Variants in PTPRN2 observed in about 807,000 individuals in gnomAD.
PTPRN2 encodes protein tyrosine phosphatase receptor type N2.
PTPRN2 carries 74 observed loss-of-function variants against 118.8 expected under a neutral mutation model. The observed-to-expected ratio is 0.62, with a 90% CI of 0.52 to 0.76. The LOEUF (loss-of-function observed/expected upper bound fraction) is 0.76. Among genes scored for constraint, PTPRN2 ranks in the 30% least tolerant of loss-of-function variants. The pLI, the probability that PTPRN2 is intolerant of heterozygous loss-of-function variation, is 0.00. For synonymous variants in PTPRN2, 641 were observed against 608.0 expected (o/e 1.05, Z -0.80); for missense variants, 1,481 against 1,394.4 (o/e 1.06, Z -0.99).
intron 3 of PTPRN2, among the ~76,000 whole-genome samples, chr7:158,258,381 C>T (rs910856764): frequency 3.3e-5 from 5 of 152,256 alleles, no homozygotes; most frequent in African/African-American, 1.2e-4. Flanking sequence ...CTCCTTCCTG[C>T]TCCAGTTCTT....
chr7:158,353,804 A>T (rs1360410733), intron 2 of PTPRN2, among the ~76,000 whole-genome samples: 2 of 152,242 alleles, frequency 1.3e-5, no homozygotes, highest in African/African-American at 2.4e-5. Flanking sequence ...GAAAGGTGAG[A>T]TAACAACAGC....
intron 3 of PTPRN2, among the ~76,000 whole-genome samples, chr7:158,266,075 G>A (rs78627445): frequency 7.8e-6 from 1 of 128,200 alleles, no homozygotes; most frequent in Non-Finnish European, 1.7e-5. Flanking sequence ...TCTGCTGCGG[G>A]GTATTGTCTG....
intron 1 of PTPRN2, among the ~76,000 whole-genome samples, chr7:158,490,594 G>A (rs939523095): frequency 4.6e-5 from 7 of 152,268 alleles, no homozygotes; most frequent in Non-Finnish European, 5.9e-5. Flanking sequence ...CGGCTCCCGC[G>A]AGGGCGTGAG....
intron 10 of PTPRN2, among the ~76,000 whole-genome samples, chr7:158,107,397 A>G (rs901155803): frequency 6.6e-6 from 1 of 152,142 alleles, no homozygotes; most frequent in Middle Eastern, 3.2e-3. Context: ...CCTCAGTCAC[A>G]TCAGAAGTTA....
intron 2 of PTPRN2, among the ~76,000 whole-genome samples, chr7:158,477,907 G>A (rs1169621821): frequency 6.6e-6 from 1 of 152,216 alleles, no homozygotes; most frequent in Non-Finnish European, 1.5e-5. Flanking sequence ...CAACAGGCAG[G>A]AAGCACAGGC....
intron 14 of PTPRN2, among the ~76,000 whole-genome samples, chr7:157,631,870 C>T (rs1171854146): frequency 2.0e-5 from 3 of 151,468 alleles, no homozygotes; most frequent in South Asian, 4.2e-4. Context: ...GAATGCCCTT[C>T]AGATAAGGCT....
At chr7:158,212,253 C>T (rs1827652562) in intron 3 of PTPRN2, among the ~76,000 whole-genome samples, 1 of 150,972 alleles carries the variant, frequency 6.6e-6, no homozygotes, top group Non-Finnish European at 1.5e-5. Context: ...GGGCGGGGGG[C>T]AAGTGGGAAT....
At chr7:158,374,802 T>A (rs7811846) in intron 2 of PTPRN2, among the ~76,000 whole-genome samples, 2 of 152,102 alleles carry the variant, frequency 1.3e-5, no homozygotes, top group African/African-American at 4.8e-5. Context: ...GGCGGGGATG[T>A]GGTTTCATGG....
chr7:158,110,811 CCAGGGCCCCGTACTTACTCCACGT>C lies in PTPRN2; in HGVS notation c.1637_1643+17del, dbSNP rs1251950966. The C allele has an allele frequency of 3.8e-6, 6 of 1,566,946 alleles. No individual in the cohort carries two copies. The highest frequency in any genetic ancestry group is 2.7e-5 in the African/African-American group (2 of 73,804). On this transcript the variant is annotated splice_donor_variant and splice_donor_5th_base_variant and coding_sequence_variant and intron_variant, in exon 10 of 23. Transcript: ENST00000389418. LOFTEE classifies it high-confidence loss of function. ...AAGCAACAGGAGCCAAACAGAAACC[CCAGGGCCCCGTACTTACTCCACGT>C]CAGCGAACGCACTGCTGGGCACCTG...
intron 22 of PTPRN2, among the ~76,000 whole-genome samples, chr7:157,543,718 C>T (rs1798122934): frequency 1.3e-5 from 2 of 152,366 alleles, no homozygotes; most frequent in Admixed American, 1.3e-4. Context: ...GATCGTGTCT[C>T]TGAGCCACCT....
At chr7:158,385,727 C>T (rs965557818) in intron 2 of PTPRN2, among the ~76,000 whole-genome samples, 2 of 152,166 alleles carry the variant, frequency 1.3e-5, no homozygotes, top group African/African-American at 2.4e-5. Context: ...TACCAGAAAA[C>T]GGTTTCAAGT....
intron 2 of PTPRN2, among the ~76,000 whole-genome samples, chr7:158,449,029 C>G (rs1817919893): frequency 6.6e-6 from 1 of 152,214 alleles, no homozygotes; most frequent in Non-Finnish European, 1.5e-5. Context: ...CGTGCCCACT[C>G]AGCTGGATTC....
intron 20 of PTPRN2, among the ~76,000 whole-genome samples, chr7:157,571,163 C>G (rs544787288): frequency 1.5e-5 from 2 of 131,032 alleles, no homozygotes; most frequent in Admixed American, 9.2e-5. Flanking sequence ...GTGAGCCTGA[C>G]GAGACCACGC....
At chr7:157,792,307 T>C (rs1804559513) in intron 12 of PTPRN2, among the ~76,000 whole-genome samples, 2 of 152,224 alleles carry the variant, frequency 1.3e-5, no homozygotes, top group Admixed American at 1.3e-4. Flanking sequence ...TGCAGCGTAC[T>C]TGCTATACTC....
intron 2 of PTPRN2, among the ~76,000 whole-genome samples, chr7:158,439,088 T>A (rs1043296526): frequency 2.0e-5 from 3 of 152,256 alleles, no homozygotes; most frequent in Admixed American, 6.5e-5. Flanking sequence ...TTTTGTCTCT[T>A]ATCTATTTCT....
At chr7:158,275,874 C>T (rs1341698445) in intron 3 of PTPRN2, among the ~76,000 whole-genome samples, 2 of 152,270 alleles carry the variant, frequency 1.3e-5, no homozygotes, top group Non-Finnish European at 2.9e-5. Context: ...AACAGGTGGC[C>T]AAGGGGGTGA....
Position 158,489,810 on chromosome 7 carries a change from C to T in PTPRN2, c.113-25G>A, listed in dbSNP as rs374692350. 718 of 1,559,330 alleles carry T rather than the reference C, an allele frequency of 4.6e-4. 3 individuals carry two copies. Among genetic ancestry groups the T allele is most frequent in the South Asian group, 3.6e-3 (309 of 84,698 alleles). ...CCTGCGGGGAAACAGAGAAGAGACG[C>T]GGTCAGCTGGAGGGGAGGAGGGGGG... On this transcript the variant is annotated intron_variant, in intron 1 of 22. Coordinates refer to ENST00000389418, the MANE Select transcript of PTPRN2 (RefSeq NM_002847.5).
At chr7:157,546,817 C>T (rs774431938) in intron 22 of PTPRN2, among the ~76,000 whole-genome samples, 8 of 152,176 alleles carry the variant, frequency 5.3e-5, no homozygotes, top group Non-Finnish European at 1.0e-4. Context: ...CCTCACTTCA[C>T]GAAGGGTCCT....
intron 2 of PTPRN2, among the ~76,000 whole-genome samples, chr7:158,327,284 C>A (rs991346733): frequency 6.8e-6 from 1 of 147,950 alleles, no homozygotes; most frequent in Non-Finnish European, 1.5e-5. Flanking sequence ...CTCACACATG[C>A]TCACACATGT....
Sources: gnomAD v4.1 joint callset for allele counts (sites outside exome capture counted in the v4.1 genomes callset) on GRCh38, gnomAD v4.1.1 for gene constraint, MANE v1.5 for transcripts, NCBI Gene and HGNC (gene_info 2026-07-23, HGNC 2026-07-21) for gene names.